NEXN: variants seen among roughly 807,000 people sequenced by gnomAD.
NEXN encodes nexilin.
In NEXN, 65 loss-of-function variants were observed where a neutral mutation model predicts 92.6. The observed-to-expected ratio is 0.70, with a 90% CI of 0.57 to 0.86. NEXN has a LOEUF of 0.86. NEXN is among the 40% of genes least tolerant of loss of function. The pLI, the probability that NEXN is intolerant of heterozygous loss-of-function variation, is 0.00. For missense variants in NEXN, 778 were observed against 771.1 expected (o/e 1.01, Z -0.11); for synonymous variants, 254 against 242.5 (o/e 1.05, Z -0.44).
chr1:77,926,856 A>G lies in NEXN; in HGVS notation c.828A>G (p.Glu276=), dbSNP rs752919758. 1.2e-6 allele frequency: 2 copies of G among 1,614,024 alleles called. No individual in the cohort carries two copies. Among genetic ancestry groups the G allele is most frequent in the Non-Finnish European group, 1.7e-6 (2 of 1,179,998 alleles). The change falls in exon 8 of 13, where the codon GAA becomes GAG. Residue 276 remains glutamate, a synonymous_variant. Transcript: ENST00000334785. ...AEEEARKRLE[E]EKRAFEEARR... is the part of the protein sequence containing the mutation. Reference sequence around the variant, plus strand: ...AGGAAGCAAGAAAACGTTTAGAAGAAGAGAAGCGTGCTTTTGAAGAAGCAA... The same window carrying G: ...AGGAAGCAAGAAAACGTTTAGAAGAGGAGAAGCGTGCTTTTGAAGAAGCAA...
intron 1 of NEXN, among the ~76,000 whole-genome samples, chr1:77,896,938 C>A (rs1647290954): frequency 6.6e-6 from 1 of 152,142 alleles, no homozygotes; most frequent in Non-Finnish European, 1.5e-5. Context: ...TCAACACATA[C>A]ACCCTCCCAA....
intron 1 of NEXN, among the ~76,000 whole-genome samples, chr1:77,912,110 C>T (rs1310724502): frequency 6.7e-6 from 1 of 149,810 alleles, no homozygotes; most frequent in Non-Finnish European, 1.5e-5. Flanking sequence ...AAATCTGAAA[C>T]ATTTCTAGTC....
intron 1 of NEXN, among the ~76,000 whole-genome samples, chr1:77,895,878 TAA>T (rs976939130): frequency 6.7e-6 from 1 of 149,996 alleles, no homozygotes; most frequent in Non-Finnish European, 1.5e-5. Context: ...AAAGAAATCT[TAA>T]AAGTTGACAG....
At chr1:77,922,621 G>A (rs977467388) in intron 5 of NEXN, among the ~76,000 whole-genome samples, 2 of 146,402 alleles carry the variant, frequency 1.4e-5, no homozygotes, top group East Asian at 4.0e-4. Flanking sequence ...TTTTTGAGAC[G>A]GAGTCTCGCT....
intron 1 of NEXN, among the ~76,000 whole-genome samples, chr1:77,904,778 G>T (rs1376217866): frequency 6.6e-6 from 1 of 152,208 alleles, no homozygotes; most frequent in African/African-American, 2.4e-5. Flanking sequence ...AGTAGGCATG[G>T]TTGATGTTAG....
At chr1:77,919,145 T>C (rs753942070) in intron 5 of NEXN, among the ~76,000 whole-genome samples, 5 of 152,178 alleles carry the variant, frequency 3.3e-5, no homozygotes, top group African/African-American at 1.2e-4. Context: ...CGGAAACCTC[T>C]GATAAAACCA....
intron 11 of NEXN, among the ~76,000 whole-genome samples, chr1:77,936,424 A>C (rs917346764): frequency 6.6e-6 from 1 of 152,196 alleles, no homozygotes; most frequent in Non-Finnish European, 1.5e-5. Flanking sequence ...CCATCTCTAC[A>C]AAAAAAGATA....
intron 11 of NEXN, 179 bp from the exon 12 acceptor site, chr1:77,941,844 T>C: frequency 4.9e-6 from 3 of 608,778 alleles, no homozygotes; most frequent in African/African-American, 1.8e-5. Context: ...GCTTCATAAA[T>C]GTATCTATCA....
rs752921910 is a variant in NEXN, at chr1:77,916,066, T to C, written c.-41T>C. ...TAAATTTTTTTCAGGTGCAAATATA[T>C]ACAGAGCTTCATAATCAGCCCAAGA... On this transcript the variant is annotated 5_prime_UTR_variant, in exon 2 of 13. Transcript: ENST00000334785. The C allele has an allele frequency of 3.3e-6, 5 of 1,517,562 alleles. No homozygotes were observed. The highest frequency in any genetic ancestry group is 1.8e-5 in the Admixed American group (1 of 57,042). 94.0% of individuals were successfully genotyped at this position (1,517,562 alleles called of 1,614,324 possible).
chr1:77,903,431 G>A (rs776111449), intron 1 of NEXN, among the ~76,000 whole-genome samples: 8 of 152,002 alleles, frequency 5.3e-5, no homozygotes, highest in Non-Finnish European at 7.4e-5. Context: ...CTTGGATTCC[G>A]GCACCTATTG....
At chr1:77,916,280 T>C (rs2102087833) in intron 2 of NEXN, 147 bp downstream of exon 2, 1 of 509,820 alleles carries the variant, frequency 2.0e-6, no homozygotes, top group Non-Finnish European at 3.5e-6. Context: ...CAAGAAGAGA[T>C]ACAATTCACC....
intron 11 of NEXN, among the ~76,000 whole-genome samples, chr1:77,941,482 G>A (rs888497357): frequency 1.3e-5 from 2 of 152,006 alleles, no homozygotes; most frequent in Non-Finnish European, 2.9e-5. Context: ...CCATGTTTCA[G>A]CCATTGCCTC....
intron 12 of NEXN, 67 bp downstream of exon 12, chr1:77,942,275 G>A (rs571345717): frequency 7.8e-6 from 12 of 1,533,934 alleles, no homozygotes; most frequent in East Asian, 2.3e-5. Flanking sequence ...TTATAATTAG[G>A]TAGGTTAAAA....
chr1:77,938,397 T>A (rs2102164395), intron 11 of NEXN, among the ~76,000 whole-genome samples: 1 of 152,194 alleles, frequency 6.6e-6, no homozygotes, highest in South Asian at 2.1e-4. Context: ...ACACCTGTAA[T>A]CCCGGCACTT....
intron 9 of NEXN, chr1:77,931,886 T>TC (rs1358894921): frequency 6.6e-6 from 1 of 152,066 alleles, no homozygotes; most frequent in African/African-American, 2.4e-5. Flanking sequence ...AACCACAGAG[T>TC]CACAGTTCAG....
rs560929243 is a variant in NEXN at position 77,921,085 on chromosome 1, C to CA, written c.447+2820dup. 2.5e-3 allele frequency among the ~76,000 whole-genome samples: 377 copies of CA among 151,696 alleles called. 1 individual carries two copies. Among genetic ancestry groups the CA allele is most frequent in the Non-Finnish European group, 3.9e-3 (268 of 67,854 alleles). On this transcript the variant is annotated intron_variant, in intron 5 of 12. Transcript: ENST00000334785. ...GGTTTAAAGTGAGCAAAGAAGAAAG[C>CA]AAAAAAAATCTTCAAACATACTTTA... is the stretch of plus-strand genomic sequence containing the variant.
At chr1:77,904,308 T>A (rs896142279) in intron 1 of NEXN, among the ~76,000 whole-genome samples, 4 of 152,112 alleles carry the variant, frequency 2.6e-5, no homozygotes, top group Admixed American at 6.6e-5. Flanking sequence ...TGGAATTTTT[T>A]AAAAAACCAC....
At chr1:77,907,328 T>C (rs1357477953) in intron 1 of NEXN, among the ~76,000 whole-genome samples, 1 of 152,216 alleles carries the variant, frequency 6.6e-6, no homozygotes, top group Non-Finnish European at 1.5e-5. Flanking sequence ...TAATTAACAA[T>C]AAAGGAATCT....
At position 77,910,690 on chromosome 1, in the gene NEXN, G is replaced by T. The variant is rs1016787491; in HGVS notation, c.-52-5365G>T. Among the ~76,000 whole-genome samples, 19 of 143,516 alleles carry T rather than the reference G, an allele frequency of 1.3e-4. No homozygotes were observed. In the East Asian group the frequency reaches 3.5e-3, roughly 26 times the overall value. 94.2% of individuals were successfully genotyped at this position (143,516 alleles called of 152,430 possible). ...CACTTGAACCCGAGAGGTGGAGGTT[G>T]CAGTGAGCTGAGACTGTGCCATTGC... On this transcript the variant is annotated intron_variant, in intron 1 of 12. Transcript: ENST00000334785.
Sources: allele counts gnomAD v4.1 joint callset (sites outside exome capture counted in the v4.1 genomes callset), GRCh38; gene constraint gnomAD v4.1.1; transcripts MANE v1.5; gene names NCBI Gene and HGNC (gene_info 2026-07-23, HGNC 2026-07-21).